LRTM1: variants seen among roughly 807,000 people sequenced by gnomAD.
LRTM1 encodes the protein leucine-rich repeat and transmembrane domain-containing protein 1.
A neutral mutation model predicts 32.4 loss-of-function variants in LRTM1; 38 were observed. The observed-to-expected ratio is 1.17, with a 90% CI of 0.91 to 1.54. The LOEUF (loss-of-function observed/expected upper bound fraction) is 1.54, where lower values mean the gene tolerates loss of function less well. LRTM1 is among the 40% of genes most tolerant of loss of function. LRTM1 has a pLI of 0.00. For missense variants in LRTM1, 466 were observed against 415.4 expected, an observed-to-expected ratio of 1.12 and a Z score of -1.06; for synonymous variants, 186 against 169.9, an observed-to-expected ratio of 1.09 and a Z score of -0.74.
At chr3:54,938,155 T>G (rs2106975191) in intron 1 of LRTM1, among the ~76,000 whole-genome samples, 1 of 152,308 alleles carries the variant, frequency 6.6e-6, no homozygotes, top group South Asian at 2.1e-4. Flanking sequence ...AGAGTTGCAT[T>G]CTCACCACAT....
At chr3:54,957,724 C>G (rs775897377) in intron 1 of LRTM1, among the ~76,000 whole-genome samples, 1 of 152,024 alleles carries the variant, frequency 6.6e-6, no homozygotes, top group Non-Finnish European at 1.5e-5. Flanking sequence ...CAAGATCACA[C>G]CTCTCCATCC....
intron 1 of LRTM1, among the ~76,000 whole-genome samples, chr3:54,961,025 C>G (rs1012349187): frequency 6.6e-6 from 1 of 152,160 alleles, no homozygotes; most frequent in African/African-American, 2.4e-5. Context: ...AAATGACATT[C>G]AGATTCGTTG....
At chr3:54,947,970 T>C (rs905245059) in intron 1 of LRTM1, among the ~76,000 whole-genome samples, 2 of 152,166 alleles carry the variant, frequency 1.3e-5, no homozygotes, top group Non-Finnish European at 2.9e-5. Context: ...CAGCTCCTTA[T>C]TGGCAAATGC....
chr3:54,949,007 C>T (rs1701687890), intron 1 of LRTM1, among the ~76,000 whole-genome samples: 1 of 152,192 alleles, frequency 6.6e-6, no homozygotes, highest in African/African-American at 2.4e-5. Flanking sequence ...GCTGAAATCA[C>T]CAAGTTTCTC....
intron 1 of LRTM1, among the ~76,000 whole-genome samples, chr3:54,947,266 C>CTTTTCCAGTA (rs1322937601): frequency 6.6e-6 from 1 of 152,166 alleles, no homozygotes; most frequent in Non-Finnish European, 1.5e-5. Flanking sequence ...TTACTCTATG[C>CTTTTCCAGTA]TGCCTCTTAA....
intron 1 of LRTM1, among the ~76,000 whole-genome samples, chr3:54,956,661 A>G (rs1180371940): frequency 6.6e-6 from 1 of 152,172 alleles, no homozygotes; most frequent in African/African-American, 2.4e-5. Flanking sequence ...CTCTACCTCC[A>G]GATTAGGTAA....
At chr3:54,928,648 G>A (rs909007430), upstream of LRTM1, among the ~76,000 whole-genome samples, 2 of 152,034 alleles carry the variant, frequency 1.3e-5, no homozygotes, top group African/African-American at 4.8e-5. Flanking sequence ...CTTCCTTCTG[G>A]TGCCACAAAT....
intron 2 of LRTM1, 115 bp from the exon 3 acceptor site, chr3:54,919,007 T>A (rs922640333): frequency 2.3e-5 from 15 of 641,046 alleles, no homozygotes; most frequent in Non-Finnish European, 3.0e-5. Flanking sequence ...TTTTTTTTTT[T>A]AAATCCTGGA....
At chr3:54,948,533 A>C (rs1324066550) in intron 1 of LRTM1, among the ~76,000 whole-genome samples, 1 of 151,244 alleles carries the variant, frequency 6.6e-6, no homozygotes, top group Non-Finnish European at 1.5e-5. Flanking sequence ...CACCATGAGC[A>C]CCTCTGCATG....
intron 1 of LRTM1, among the ~76,000 whole-genome samples, chr3:54,958,286 A>T (rs1701950599): frequency 6.6e-6 from 1 of 152,226 alleles, no homozygotes; most frequent in Admixed American, 6.5e-5. Context: ...CCAGCTACTC[A>T]GGAGGCTGAG....
At chr3:54,940,225 G>A (rs957425097) in intron 1 of LRTM1, among the ~76,000 whole-genome samples, 1 of 152,216 alleles carries the variant, frequency 6.6e-6, no homozygotes, top group Non-Finnish European at 1.5e-5. Context: ...TTTAAAAGTA[G>A]ATGGGTAGCT....
intron 1 of LRTM1, among the ~76,000 whole-genome samples, chr3:54,933,105 CTTCCTTCCTTCTTTCT>C (rs1317870221): frequency 0.026 from 2,104 of 81,392 alleles, 30 homozygotes; most frequent in Non-Finnish European, 0.036. Flanking sequence ...TCCTTCCTTC[CTTCCTTCCTTCTTTCT>C]GGACCTCTGC....
intron 1 of LRTM1, among the ~76,000 whole-genome samples, chr3:54,942,093 A>G (rs1701484413): frequency 6.6e-6 from 1 of 152,224 alleles, no homozygotes; most frequent in African/African-American, 2.4e-5. Flanking sequence ...TTACCAAGGA[A>G]GTGTTGGCTA....
At chr3:54,949,799 G>T (rs1701710264) in intron 1 of LRTM1, among the ~76,000 whole-genome samples, 1 of 116,978 alleles carries the variant, frequency 8.5e-6, no homozygotes, top group Admixed American at 1.1e-4. Context: ...CTGGATGGAA[G>T]ACTTTTTTTG....
intron 1 of LRTM1, among the ~76,000 whole-genome samples, chr3:54,962,115 C>T (rs1346019102): frequency 6.6e-6 from 1 of 152,146 alleles, no homozygotes; most frequent in African/African-American, 2.4e-5. Context: ...ACAGAGTCCT[C>T]GGGACCCAAT....
At chr3:54,946,129 A>T (rs186837711) in intron 1 of LRTM1, among the ~76,000 whole-genome samples, 57 of 151,916 alleles carry the variant, frequency 3.8e-4, no homozygotes, top group South Asian at 8.3e-4. Context: ...GTCCTGAAAG[A>T]CTCTCAGTTC....
chr3:54,918,766 G>A lies in LRTM1; in HGVS notation c.731C>T (p.Ala244Val), dbSNP rs1446022669. ...ACCGTGGGCAGAGCCGGGCCACTGA[G>A]CCTGCGAGGACACTGGATCAGGAGC... is the stretch of plus-strand genomic sequence containing the variant. ...LPAPDPVSSQ[A>V]QWPGSAHGVV... Residue 244 changes from alanine (A) to valine (V), a missense_variant, in exon 3 of 3, where the codon GCT becomes GTT. Physicochemically the swap from Ala to Val is moderately conservative, Grantham distance 64 (BLOSUM62 0). Transcript: ENST00000273286. 1 of 1,614,182 alleles carries A rather than the reference G, an allele frequency of 6.2e-7. No individual in the cohort carries two copies. The highest frequency in any genetic ancestry group is 2.2e-5 in the East Asian group (1 of 44,864).
chr3:54,927,082 T>A (rs1701043648), intron 1 of LRTM1, among the ~76,000 whole-genome samples: 1 of 152,244 alleles, frequency 6.6e-6, no homozygotes, highest in Non-Finnish European at 1.5e-5. Flanking sequence ...AATAGTTATC[T>A]ACTCAAAGTG....
At chr3:54,928,669 CTGCT>C (rs750974664), upstream of LRTM1, among the ~76,000 whole-genome samples, 15 of 152,098 alleles carry the variant, frequency 9.9e-5, no homozygotes, top group African/African-American at 3.6e-4. Context: ...AACTTCTCAG[CTGCT>C]TGCTTGCTTG....
Sources: gnomAD v4.1 joint callset for allele counts (sites outside exome capture counted in the v4.1 genomes callset) on GRCh38, gnomAD v4.1.1 for gene constraint, MANE v1.5 for transcripts, NCBI Gene and HGNC (gene_info 2026-07-23, HGNC 2026-07-21) for gene names.